Variants in OPCML observed in about 807,000 individuals in gnomAD.
OPCML encodes opioid-binding protein/cell adhesion molecule.
OPCML carries 13 observed loss-of-function variants against 37.8 expected under a neutral mutation model. That is an observed-to-expected ratio of 0.34 (90% CI 0.22 to 0.55). The LOEUF is 0.55. Among genes scored for constraint, OPCML ranks in the 20% least tolerant of loss-of-function variants. The pLI is 0.91. For missense variants in OPCML, 341 were observed against 435.6 expected (o/e 0.78, Z 1.93); for synonymous variants, 176 against 168.8 (o/e 1.04, Z -0.33).
intron 1 of OPCML, among the ~76,000 whole-genome samples, chr11:133,387,077 T>C (rs1945071914): frequency 1.3e-5 from 2 of 152,200 alleles, no homozygotes; most frequent in African/African-American, 2.4e-5. Flanking sequence ...CTCTGTATCA[T>C]AGCCTGTACA....
intron 1 of OPCML, among the ~76,000 whole-genome samples, chr11:133,109,866 T>C (rs1310840997): frequency 6.6e-6 from 1 of 152,216 alleles, no homozygotes; most frequent in Non-Finnish European, 1.5e-5. Context: ...CCGTCTATTT[T>C]GCAGCTGAAG....
At chr11:133,252,188 T>G (rs1941157395) in intron 1 of OPCML, among the ~76,000 whole-genome samples, 1 of 152,204 alleles carries the variant, frequency 6.6e-6, no homozygotes, top group Non-Finnish European at 1.5e-5. Context: ...TAATGGAAAT[T>G]TCTAAAATAC....
intron 1 of OPCML, among the ~76,000 whole-genome samples, chr11:133,384,645 G>A (rs1945005800): frequency 1.3e-5 from 2 of 152,208 alleles, no homozygotes; most frequent in African/African-American, 4.8e-5. Flanking sequence ...AGTGCCTTCT[G>A]TGCCTCATTC....
intron 1 of OPCML, among the ~76,000 whole-genome samples, chr11:132,959,302 G>A (rs1238149754): frequency 6.6e-6 from 1 of 152,238 alleles, no homozygotes; most frequent in East Asian, 1.9e-4. Flanking sequence ...AACTTGAATG[G>A]ATGAGGAGCT....
intron 1 of OPCML, among the ~76,000 whole-genome samples, chr11:133,467,513 A>T (rs747488317): frequency 1.3e-5 from 2 of 152,188 alleles, no homozygotes; most frequent in African/African-American, 4.8e-5. Flanking sequence ...AATGGCCCAA[A>T]CACTGTATTA....
chr11:133,485,474 A>G (rs1005295908), intron 1 of OPCML, among the ~76,000 whole-genome samples: 4 of 152,268 alleles, frequency 2.6e-5, no homozygotes, highest in Admixed American at 1.3e-4. Context: ...CTAGATTCCA[A>G]TTCTTCTCAT....
At chr11:132,942,433 T>C (rs1426041353) in intron 2 of OPCML, among the ~76,000 whole-genome samples, 1 of 152,204 alleles carries the variant, frequency 6.6e-6, no homozygotes, top group African/African-American at 2.4e-5. Context: ...GTGCTGGGTC[T>C]TGAGGAGACT....
chr11:133,005,161 C>T (rs1240503530), intron 1 of OPCML: 17 of 985,414 alleles, frequency 1.7e-5, no homozygotes, highest in Non-Finnish European at 1.9e-5. Flanking sequence ...ACCACTGACC[C>T]TCCACCCAAT....
intron 4 of OPCML, among the ~76,000 whole-genome samples, chr11:132,521,151 A>G (rs1229701578): frequency 6.6e-6 from 1 of 151,854 alleles, no homozygotes; most frequent in Non-Finnish European, 1.5e-5. Context: ...GCTTTTTTTC[A>G]TGTTTTTTGG....
intron 2 of OPCML, among the ~76,000 whole-genome samples, chr11:132,903,516 C>A (rs1158504916): frequency 6.6e-6 from 1 of 152,180 alleles, no homozygotes; most frequent in Non-Finnish European, 1.5e-5. Flanking sequence ...ATAGTTCAGG[C>A]TATGATGGGA....
chr11:132,988,919 C>T (rs957549946), intron 1 of OPCML, among the ~76,000 whole-genome samples: 2 of 152,110 alleles, frequency 1.3e-5, no homozygotes, highest in Admixed American at 1.3e-4. Flanking sequence ...AATAAATGAA[C>T]AAGCATAGCA....
chr11:133,302,634 C>T (rs1180263881), intron 1 of OPCML: 5 of 152,276 alleles, frequency 3.3e-5, no homozygotes, highest in South Asian at 4.1e-4. Context: ...TCACATGGCA[C>T]GTGCAAGGAG....
intron 1 of OPCML, among the ~76,000 whole-genome samples, chr11:133,381,115 G>A (rs931701862): frequency 3.9e-5 from 6 of 152,222 alleles, no homozygotes; most frequent in Admixed American, 2.6e-4. Flanking sequence ...CGCATGAAGA[G>A]CTGTCTTGCC....
At chr11:133,116,052 C>A (rs912518111) in intron 1 of OPCML, among the ~76,000 whole-genome samples, 2 of 152,080 alleles carry the variant, frequency 1.3e-5, no homozygotes, top group African/African-American at 4.8e-5. Context: ...TCACTGCTAC[C>A]TCTGCCTCTG....
chr11:132,657,243 A>G lies in OPCML; in HGVS notation c.223T>C (p.Trp75Arg). 1 of 1,614,254 alleles carries G rather than the reference A, an allele frequency of 6.2e-7. No individual in the cohort carries two copies. The highest frequency in any genetic ancestry group is 8.5e-7 in the Non-Finnish European group (1 of 1,180,046). ...ATGATCACACGAGGGTCTATGGACC[A>G]CTTGTCATTCCCAGCGTAGAGGATG... is the stretch of plus-strand genomic sequence containing the variant. ...STILYAGNDK[W>R]SIDPRVIILV... The change falls in exon 3 of 8, where the codon TGG (tryptophan) becomes CGG (arginine). Residue 75 changes from tryptophan to arginine, a missense_variant. Physicochemically the swap from Trp to Arg is moderately radical, Grantham distance 101. Transcript: ENST00000524381.
intron 1 of OPCML, among the ~76,000 whole-genome samples, chr11:133,517,934 G>A (rs1591591501): frequency 6.6e-6 from 1 of 152,270 alleles, no homozygotes; most frequent in African/African-American, 2.4e-5. Flanking sequence ...AGGATGACTG[G>A]GGTCCTAAAT....
rs113803540 is a variant in OPCML at position 132,594,959 on chromosome 11, C to CGT, written c.379+62126_379+62127dup. Among the ~76,000 whole-genome samples, 194 of 152,274 alleles carry CGT rather than the reference C, an allele frequency of 1.3e-3. 1 individual carries two copies. Among genetic ancestry groups the CGT allele is most frequent in the African/African-American group, 4.6e-3 (191 of 41,562 alleles). On this transcript the variant is annotated intron_variant, in intron 3 of 7. Transcript: ENST00000524381. ...AAGGCAGATATGCTCTATTTCAAGA[C>CGT]GTGTGTGTAATACAAAATTAAATCA...
chr11:132,843,092 C>CT (rs56036372), intron 2 of OPCML, among the ~76,000 whole-genome samples: 63,799 of 123,038 alleles, frequency 0.52, 15,694 homozygotes, highest in African/African-American at 0.57. Context: ...CTTTTTCTTT[C>CT]TTTTTTTTTT....
intron 1 of OPCML, among the ~76,000 whole-genome samples, chr11:133,224,535 C>T (rs1211406487): frequency 6.6e-6 from 1 of 152,204 alleles, no homozygotes; most frequent in Non-Finnish European, 1.5e-5. Context: ...CTGCAAAAAG[C>T]TGCCAGAGTC....
Sources: gnomAD v4.1 joint callset for allele counts (sites outside exome capture counted in the v4.1 genomes callset) on GRCh38, gnomAD v4.1.1 for gene constraint, MANE v1.5 for transcripts, NCBI Gene and HGNC (gene_info 2026-07-23, HGNC 2026-07-21) for gene names.